TANGO6: variants seen among roughly 807,000 people sequenced by gnomAD.
TANGO6 encodes the protein transport and Golgi organization protein 6 homolog.
Under a neutral mutation model 114.2 loss-of-function variants are expected in TANGO6, and 90 were observed. The observed-to-expected ratio is 0.79, with a 90% CI of 0.66 to 0.94. The LOEUF is 0.94. Among genes scored for constraint, TANGO6 ranks in the 40% least tolerant of loss-of-function variants. The probability of loss-of-function intolerance (pLI) is 0.00; values close to 1 mark genes in which losing one functional copy is unlikely to be tolerated. For missense variants in TANGO6, 1,274 were observed against 1,315.3 expected (o/e 0.97, Z 0.49); for synonymous variants, 477 against 509.8 (o/e 0.94, Z 0.87).
intron 12 of TANGO6, among the ~76,000 whole-genome samples, chr16:68,919,877 A>G (rs1490447843): frequency 1.3e-5 from 2 of 151,362 alleles, no homozygotes; most frequent in Non-Finnish European, 2.9e-5. Context: ...CCCCGTCTCT[A>G]CTAAAAATAT....
At chr16:68,928,954 C>T (rs1452291240) in intron 13 of TANGO6, among the ~76,000 whole-genome samples, 3 of 151,370 alleles carry the variant, frequency 2.0e-5, no homozygotes, top group African/African-American at 7.3e-5. Flanking sequence ...GGTCTCGCTC[C>T]GTCGCCCAGG....
intron 17 of TANGO6, among the ~76,000 whole-genome samples, chr16:69,068,610 A>G (rs998851350): frequency 8.5e-5 from 13 of 152,238 alleles, no homozygotes; most frequent in Admixed American, 8.5e-4. Context: ...TGTAAGAGTT[A>G]CAGGATGGAC....
chr16:68,894,873 C>CA (rs57920899), intron 7 of TANGO6, among the ~76,000 whole-genome samples: 48 of 152,220 alleles, frequency 3.2e-4, no homozygotes, highest in African/African-American at 1.1e-3. Flanking sequence ...ATCCATGAAG[C>CA]AATCAGTCCC....
chr16:68,894,816 A>G (rs769173676), intron 7 of TANGO6, among the ~76,000 whole-genome samples: 3 of 151,934 alleles, frequency 2.0e-5, no homozygotes, highest in South Asian at 2.1e-4. Context: ...AACCATCACC[A>G]CTATCTAGTT....
intron 7 of TANGO6, among the ~76,000 whole-genome samples, chr16:68,883,089 C>T (rs1409583906): frequency 6.6e-6 from 1 of 152,092 alleles, no homozygotes; most frequent in Non-Finnish European, 1.5e-5. Context: ...CCCAGTTACT[C>T]TGGAGGCTGG....
chr16:68,890,235 A>T (rs1212458186), intron 7 of TANGO6, among the ~76,000 whole-genome samples: 1 of 152,258 alleles, frequency 6.6e-6, no homozygotes, highest in African/African-American at 2.4e-5. Flanking sequence ...CCATAAATTA[A>T]GAAAATATTT....
intron 8 of TANGO6, among the ~76,000 whole-genome samples, chr16:68,902,049 C>CAAA (rs747586789): frequency 1.5e-4 from 12 of 79,780 alleles, no homozygotes; most frequent in Admixed American, 5.5e-4. Flanking sequence ...TTGGAATTAC[C>CAAA]AAAAAAAAAA....
intron 9 of TANGO6, among the ~76,000 whole-genome samples, chr16:68,903,403 G>C (rs563719760): frequency 1.6e-4 from 25 of 151,968 alleles, no homozygotes; most frequent in Admixed American, 6.6e-4. Flanking sequence ...TGGATCACCT[G>C]AGGTTAGGAG....
At chr16:69,025,327 C>A (rs892835027) in intron 16 of TANGO6, among the ~76,000 whole-genome samples, 2 of 152,190 alleles carry the variant, frequency 1.3e-5, no homozygotes, top group African/African-American at 4.8e-5. Context: ...GAGAAGGGAG[C>A]TGGAGAGAGG....
chr16:69,059,130 A>G (rs1292112973), intron 17 of TANGO6, among the ~76,000 whole-genome samples: 2 of 149,294 alleles, frequency 1.3e-5, no homozygotes, highest in South Asian at 2.1e-4. Flanking sequence ...GCTGGAGTGC[A>G]TTGGCGCTAT....
intron 15 of TANGO6, among the ~76,000 whole-genome samples, chr16:68,975,626 T>G (rs979388265): frequency 4.6e-5 from 7 of 152,068 alleles, no homozygotes; most frequent in Admixed American, 3.3e-4. Flanking sequence ...GGTGCATTCA[T>G]GGCTTACTGC....
At chr16:68,933,040 A>C (rs879561099) in intron 14 of TANGO6, among the ~76,000 whole-genome samples, 1 of 152,208 alleles carries the variant, frequency 6.6e-6, no homozygotes, top group Non-Finnish European at 1.5e-5. Context: ...TATTACGTCT[A>C]CTGTTGGATG....
intron 17 of TANGO6, among the ~76,000 whole-genome samples, chr16:69,059,218 C>G (rs986959017): frequency 6.6e-6 from 1 of 151,428 alleles, no homozygotes; most frequent in Non-Finnish European, 1.5e-5. Context: ...GGGAAGTGTA[C>G]GCCACCACGC....
chr16:68,912,538 GCAGGAGA>G (rs1472045619), intron 11 of TANGO6, among the ~76,000 whole-genome samples: 12 of 152,162 alleles, frequency 7.9e-5, no homozygotes, highest in Admixed American at 2.6e-4. Context: ...GGAGGCTGAA[GCAGGAGA>G]ATTGCGTGAA....
At position 68,974,114 on chromosome 16, in the gene TANGO6, C is replaced by T; in HGVS notation, c.2788C>T (p.Pro930Ser). Residue 930 changes from proline (P) to serine (S), a missense_variant, in exon 15 of 18, where the codon CCA becomes TCA. Coordinates refer to ENST00000261778, the MANE Select transcript of TANGO6 (RefSeq NM_024562.2). ...TGACAGCAGCAAAGACAAGCACACA[C>T]CAGAGACCAGAATGAAAGTCGGGGA... ...QYDSSKDKHT[P>S]ETRMKVGEVL... 2 of 1,613,926 alleles carry T rather than the reference C, an allele frequency of 1.2e-6. No homozygotes were observed. Among genetic ancestry groups the T allele is most frequent in the Non-Finnish European group, 1.7e-6 (2 of 1,179,876 alleles).
At chr16:68,921,686 C>T (rs1266565601) in intron 12 of TANGO6, among the ~76,000 whole-genome samples, 3 of 128,110 alleles carry the variant, frequency 2.3e-5, no homozygotes, top group Non-Finnish European at 4.7e-5. Context: ...TAAGATAGAT[C>T]ACAAAAATCT....
chr16:68,955,413 G>T (rs1167237517), intron 14 of TANGO6, among the ~76,000 whole-genome samples: 1 of 152,098 alleles, frequency 6.6e-6, no homozygotes, highest in African/African-American at 2.4e-5. Context: ...TCATAACAGG[G>T]GACATACAAG....
chr16:68,892,364 C>T (rs2152176808), intron 7 of TANGO6, among the ~76,000 whole-genome samples: 1 of 152,238 alleles, frequency 6.6e-6, no homozygotes, highest in African/African-American at 2.4e-5. Context: ...TGTGGAAATC[C>T]CCAGACTGCC....
At chr16:68,953,285 G>A (rs185572819) in intron 14 of TANGO6, among the ~76,000 whole-genome samples, 3 of 152,082 alleles carry the variant, frequency 2.0e-5, no homozygotes, top group Admixed American at 2.0e-4. Context: ...GTTTCGCCAT[G>A]TTGGCCAGGC....
Sources: gnomAD v4.1 joint callset for allele counts (sites outside exome capture counted in the v4.1 genomes callset) on GRCh38, gnomAD v4.1.1 for gene constraint, MANE v1.5 for transcripts, NCBI Gene and HGNC (gene_info 2026-07-23, HGNC 2026-07-21) for gene names.